C9orf153: variants seen among roughly 807,000 people sequenced by gnomAD.
C9orf153 encodes the protein chromosome 9 open reading frame 153.
A neutral mutation model predicts 9.0 loss-of-function variants in C9orf153; 10 were observed. The observed-to-expected ratio is 1.11, with a 90% CI of 0.69 to 1.89. The LOEUF (loss-of-function observed/expected upper bound fraction) is 1.89. Among genes scored for constraint, C9orf153 ranks in the 40% most tolerant of loss-of-function variants. C9orf153 has a pLI of 0.00. For synonymous variants in C9orf153, 35 were observed against 37.3 expected, an observed-to-expected ratio of 0.94 and a Z score of 0.23; for missense variants, 108 against 111.0, an observed-to-expected ratio of 0.97 and a Z score of 0.12.
chr9:86,256,141 ACTT>A (rs1489245093), intron 1 of C9orf153, among the ~76,000 whole-genome samples: 1 of 151,902 alleles, frequency 6.6e-6, no homozygotes, highest in Non-Finnish European at 1.5e-5. Flanking sequence ...CTGTCTTCTC[ACTT>A]CTTACTTTCA....
At chr9:86,223,576 G>A (rs931926424) in intron 3 of C9orf153, among the ~76,000 whole-genome samples, 3 of 152,164 alleles carry the variant, frequency 2.0e-5, no homozygotes, top group Admixed American at 1.3e-4. Flanking sequence ...TGCTATAGAG[G>A]GGGGAGCTAA....
At chr9:86,230,603 A>G (rs1587798813) in intron 1 of C9orf153, among the ~76,000 whole-genome samples, 1 of 152,332 alleles carries the variant, frequency 6.6e-6, no homozygotes, top group African/African-American at 2.4e-5. Flanking sequence ...GCCCAGCTGG[A>G]TAGTTTTATT....
At chr9:86,227,243 C>G (rs756769274) in intron 3 of C9orf153, 40 of 1,289,392 alleles carry the variant, frequency 3.1e-5, no homozygotes, top group Non-Finnish European at 3.8e-5. Context: ...AACACATGTG[C>G]TCAAGTGATC....
intron 1 of C9orf153, among the ~76,000 whole-genome samples, chr9:86,231,955 T>A (rs1402462618): frequency 6.6e-6 from 1 of 152,072 alleles, no homozygotes; most frequent in African/African-American, 2.4e-5. Context: ...TCACCAAGGG[T>A]TAATAAATTT....
At chr9:86,229,682 G>T in intron 1 of C9orf153, 53 bp from the exon 2 acceptor site, 1 of 1,046,716 alleles carries the variant, frequency 9.6e-7, no homozygotes, top group Non-Finnish European at 1.4e-6. Flanking sequence ...AAATCAGATA[G>T]AATACAAAGG....
intron 1 of C9orf153, among the ~76,000 whole-genome samples, chr9:86,242,985 G>A (rs1438744153): frequency 6.6e-6 from 1 of 152,176 alleles, no homozygotes; most frequent in Non-Finnish European, 1.5e-5. Flanking sequence ...AGCCCCGCAG[G>A]CCACTTCTTA....
intron 3 of C9orf153, among the ~76,000 whole-genome samples, chr9:86,226,218 CAATGTAGGGAGTTACAGCAAAAG>C: frequency 9.9e-5 from 15 of 152,184 alleles, no homozygotes; most frequent in South Asian, 2.1e-4. Context: ...GTTAAGATGT[CAATGTAGGGAGTTACAGCAAAAG>C]CTCTTCCAAC....
intron 1 of C9orf153, among the ~76,000 whole-genome samples, chr9:86,239,144 C>T (rs1824671283): frequency 6.6e-6 from 1 of 151,824 alleles, no homozygotes; most frequent in African/African-American, 2.4e-5. Context: ...GCCTGTAGTC[C>T]CAGCTACTCA....
At chr9:86,224,537 T>C (rs532470185) in intron 3 of C9orf153, among the ~76,000 whole-genome samples, 2 of 152,062 alleles carry the variant, frequency 1.3e-5, no homozygotes, top group South Asian at 4.1e-4. Context: ...CTTTTCAAAG[T>C]CATCACCACA....
At chr9:86,223,558 C>T (rs1824251555) in intron 3 of C9orf153, among the ~76,000 whole-genome samples, 2 of 152,186 alleles carry the variant, frequency 1.3e-5, no homozygotes, top group African/African-American at 4.8e-5. Flanking sequence ...TCCTCTTCTG[C>T]CTTCCTCTGC....
rs564502532 is a variant in C9orf153, at chr9:86,225,485, G to A, written c.242+2370C>T. ...TTCTTTCTTTCTTTTTTGAGACGGA[G>A]TCTCACTCTGTTGCCCAGGCTGGAG... is the stretch of plus-strand genomic sequence containing the variant. On this transcript the variant is annotated intron_variant, in intron 3 of 3. Transcript: ENST00000339137. Among the ~76,000 whole-genome samples the A allele has an allele frequency of 2.4e-3, 356 of 148,016 alleles. 1 individual carries two copies. Among genetic ancestry groups the A allele is most frequent in the Non-Finnish European group, 4.3e-3 (287 of 67,424 alleles).
chr9:86,255,613 T>C (rs923962938), intron 1 of C9orf153, among the ~76,000 whole-genome samples: 3 of 152,214 alleles, frequency 2.0e-5, no homozygotes, highest in Non-Finnish European at 2.9e-5. Flanking sequence ...CACCATAACC[T>C]GATTTACCAC....
intron 2 of C9orf153, among the ~76,000 whole-genome samples, chr9:86,228,543 G>A (rs1441959204): frequency 1.3e-5 from 2 of 152,184 alleles, no homozygotes; most frequent in African/African-American, 4.8e-5. Flanking sequence ...ACTGGGATAT[G>A]TGACCAGAGC....
intron 3 of C9orf153, among the ~76,000 whole-genome samples, chr9:86,225,387 G>A (rs531572434): frequency 1.3e-4 from 13 of 99,486 alleles, no homozygotes; most frequent in South Asian, 9.6e-4. Flanking sequence ...TCTTTCTTTC[G>A]TTTCTTTCTT....
intron 1 of C9orf153, among the ~76,000 whole-genome samples, chr9:86,238,181 A>G (rs975716154): frequency 1.3e-5 from 2 of 152,198 alleles, no homozygotes; most frequent in Non-Finnish European, 2.9e-5. Context: ...ACCCACTATT[A>G]TAGTTGGAGA....
At chr9:86,247,926 G>C (rs1333750406) in intron 1 of C9orf153, among the ~76,000 whole-genome samples, 15 of 152,146 alleles carry the variant, frequency 9.9e-5, no homozygotes, top group Admixed American at 8.5e-4. Flanking sequence ...CATCTGCTCA[G>C]TAAGAGTGAA....
At chr9:86,227,604 C>T in intron 3 of C9orf153, 1 of 985,372 alleles carries the variant, frequency 1.0e-6, no homozygotes, top group Non-Finnish European at 1.2e-6. Flanking sequence ...TCTGGGGTGG[C>T]ACTGGAAATG....
At chr9:86,225,407 CTCTCTCCT>C (rs1233677465) in intron 3 of C9orf153, among the ~76,000 whole-genome samples, 154 of 58,914 alleles carry the variant, frequency 2.6e-3, no homozygotes, top group African/African-American at 7.4e-3. Context: ...TTCTCTCTCT[CTCTCTCCT>C]TCCTTCCTTC....
intron 1 of C9orf153, among the ~76,000 whole-genome samples, chr9:86,255,574 C>T (rs1825104669): frequency 6.6e-6 from 1 of 152,116 alleles, no homozygotes; most frequent in Non-Finnish European, 1.5e-5. Flanking sequence ...GCCAGGCCTC[C>T]TCTTCTCTCC....
Sources: gnomAD v4.1 joint callset for allele counts (sites outside exome capture counted in the v4.1 genomes callset) on GRCh38, gnomAD v4.1.1 for gene constraint, MANE v1.5 for transcripts, NCBI Gene and HGNC (gene_info 2026-07-23, HGNC 2026-07-21) for gene names.